The following CAMK1D variants were observed in gnomAD, a reference collection of about 807,000 sequenced individuals.
CAMK1D encodes the protein calcium/calmodulin dependent protein kinase ID, also known as calcium/calmodulin-dependent protein kinase type 1D.
A neutral mutation model predicts 47.7 loss-of-function variants in CAMK1D; 9 were observed. The ratio of observed to expected loss-of-function variants is 0.19; its 90% confidence interval spans 0.11 to 0.33. The LOEUF is 0.33. Among genes scored for constraint, CAMK1D ranks in the 10% least tolerant of loss-of-function variants. The pLI, the probability that CAMK1D is intolerant of heterozygous loss-of-function variation, is 1.00. For missense variants in CAMK1D, 291 were observed against 488.7 expected (o/e 0.60, Z 3.81); for synonymous variants, 184 against 184.9 (o/e 0.99, Z 0.04).
chr10:12,425,916 G>A lies in CAMK1D; in HGVS notation c.92+76006G>A, dbSNP rs548140831. Reference sequence around the variant, plus strand: ...CCCCAGGAACATTTTTGCATGCACTGGTGGAAGAACTGAGAAAACAGACTA... The same window carrying A: ...CCCCAGGAACATTTTTGCATGCACTAGTGGAAGAACTGAGAAAACAGACTA... On this transcript the variant is annotated intron_variant, in intron 1 of 10. Coordinates refer to ENST00000619168, the MANE Select transcript of CAMK1D (RefSeq NM_153498.4). 3.9e-5 allele frequency among the ~76,000 whole-genome samples: 6 copies of A among 152,328 alleles called. No individual in the cohort carries two copies. The South Asian group carries it at 1.0e-3, about 26-fold the overall frequency.
At chr10:12,736,300 G>C (rs141918592) in intron 3 of CAMK1D, among the ~76,000 whole-genome samples, 2 of 152,074 alleles carry the variant, frequency 1.3e-5, no homozygotes, top group African/African-American at 2.4e-5. Context: ...TCCCCTCGGC[G>C]TCCCCAAGGA....
intron 1 of CAMK1D, among the ~76,000 whole-genome samples, chr10:12,528,205 G>A (rs1451907424): frequency 6.6e-6 from 1 of 152,168 alleles, no homozygotes. Flanking sequence ...TAGGCTGTAT[G>A]GCTCAAAAGT....
intron 1 of CAMK1D, among the ~76,000 whole-genome samples, chr10:12,459,130 C>T (rs1238608635): frequency 1.3e-5 from 2 of 152,128 alleles, no homozygotes; most frequent in Admixed American, 6.5e-5. Context: ...CCACCTGCCT[C>T]GTCCTCCCAA....
intron 1 of CAMK1D, among the ~76,000 whole-genome samples, chr10:12,478,176 T>G (rs1833958317): frequency 6.6e-6 from 1 of 151,758 alleles, no homozygotes; most frequent in Non-Finnish European, 1.5e-5. Flanking sequence ...CTGCTAATTT[T>G]TTTGTATTTT....
At chr10:12,750,080 T>G (rs1181272857) in intron 3 of CAMK1D, among the ~76,000 whole-genome samples, 1 of 152,214 alleles carries the variant, frequency 6.6e-6, no homozygotes, top group African/African-American at 2.4e-5. Flanking sequence ...ACAAAGCCAT[T>G]TCAGCACATA....
intron 1 of CAMK1D, among the ~76,000 whole-genome samples, chr10:12,363,408 C>G (rs1242731202): frequency 1.3e-5 from 2 of 151,894 alleles, no homozygotes; most frequent in African/African-American, 4.8e-5. Flanking sequence ...GTGCCCACCA[C>G]CATGCCTAGC....
intron 1 of CAMK1D, among the ~76,000 whole-genome samples, chr10:12,541,997 C>T (rs1836210290): frequency 6.6e-6 from 1 of 151,952 alleles, no homozygotes; most frequent in Non-Finnish European, 1.5e-5. Context: ...ACCTCAGCTT[C>T]GTGAGTAGCT....
chr10:12,365,971 C>G (rs1031260267), intron 1 of CAMK1D, among the ~76,000 whole-genome samples: 3 of 152,068 alleles, frequency 2.0e-5, no homozygotes, highest in Admixed American at 6.5e-5. Context: ...TGGGAGAATC[C>G]CTGGAACCTG....
chr10:12,657,355 G>T (rs1205711066), intron 2 of CAMK1D, among the ~76,000 whole-genome samples: 2 of 152,022 alleles, frequency 1.3e-5, no homozygotes, highest in Non-Finnish European at 2.9e-5. Flanking sequence ...AACCTAGGAG[G>T]CTGAGGTTGC....
intron 3 of CAMK1D, among the ~76,000 whole-genome samples, chr10:12,688,160 C>T (rs1300389161): frequency 2.0e-5 from 3 of 152,204 alleles, no homozygotes; most frequent in Admixed American, 6.5e-5. Context: ...ATCCTTGTGA[C>T]ATGTGTCATT....
chr10:12,612,115 CCT>C (rs564077389), intron 2 of CAMK1D, among the ~76,000 whole-genome samples: 265 of 152,276 alleles, frequency 1.7e-3, no homozygotes, highest in African/African-American at 6.3e-3. Flanking sequence ...TGCTTTCTGT[CCT>C]CTCTTTCTCT....
chr10:12,364,839 TTTTAG>T (rs1837785642), intron 1 of CAMK1D, among the ~76,000 whole-genome samples: 1 of 152,106 alleles, frequency 6.6e-6, no homozygotes, highest in Admixed American at 6.5e-5. Flanking sequence ...TGACTTAGAC[TTTTAG>T]GAGTCGCTGG....
chr10:12,543,653 A>C (rs890857943), intron 1 of CAMK1D, among the ~76,000 whole-genome samples: 1 of 152,178 alleles, frequency 6.6e-6, no homozygotes, highest in African/African-American at 2.4e-5. Context: ...AAACCCTTCA[A>C]TGTCTGTTTT....
intron 3 of CAMK1D, among the ~76,000 whole-genome samples, chr10:12,710,463 A>T (rs756680943): frequency 6.6e-6 from 1 of 152,230 alleles, no homozygotes; most frequent in Non-Finnish European, 1.5e-5. Context: ...GAGCCCACAG[A>T]TTAGTGACAA....
chr10:12,545,664 G>C (rs1252694490), intron 1 of CAMK1D, among the ~76,000 whole-genome samples: 1 of 151,726 alleles, frequency 6.6e-6, no homozygotes, highest in African/African-American at 2.4e-5. Context: ...GCTGGGCGTG[G>C]TGGCGGGCAC....
At chr10:12,548,247 T>A (rs1362184770) in intron 1 of CAMK1D, among the ~76,000 whole-genome samples, 1 of 152,156 alleles carries the variant, frequency 6.6e-6, no homozygotes, top group Non-Finnish European at 1.5e-5. Context: ...TTTGTAAATA[T>A]CAAGTCACTG....
At chr10:12,579,046 G>A (rs1837582550) in intron 2 of CAMK1D, among the ~76,000 whole-genome samples, 1 of 151,934 alleles carries the variant, frequency 6.6e-6, no homozygotes, top group African/African-American at 2.4e-5. Context: ...AAGTGTGTCT[G>A]CTCCAGGGAA....
chr10:12,710,723 G>T (rs1275957884), intron 3 of CAMK1D, among the ~76,000 whole-genome samples: 1 of 152,278 alleles, frequency 6.6e-6, no homozygotes, highest in East Asian at 1.9e-4. Flanking sequence ...GCAAGAGGGG[G>T]AGTGTGTAAA....
At chr10:12,696,133 T>G (rs1833286606) in intron 3 of CAMK1D, among the ~76,000 whole-genome samples, 2 of 151,992 alleles carry the variant, frequency 1.3e-5, no homozygotes, top group South Asian at 2.1e-4. Context: ...TTTGACCTCT[T>G]TGGAAATCTT....
Sources: gnomAD v4.1 joint callset for allele counts (sites outside exome capture counted in the v4.1 genomes callset) on GRCh38, gnomAD v4.1.1 for gene constraint, MANE v1.5 for transcripts, NCBI Gene and HGNC (gene_info 2026-07-23, HGNC 2026-07-21) for gene names.